MACF1: variants seen among roughly 807,000 people sequenced by gnomAD.
MACF1 encodes the protein microtubule-actin cross-linking factor 1.
Under a neutral mutation model 854.8 loss-of-function variants are expected in MACF1, and 193 were observed. That is an observed-to-expected ratio of 0.23 (90% CI 0.20 to 0.25). MACF1 has a LOEUF of 0.25. Ranked by LOEUF, MACF1 falls within the 10% of genes least tolerant of loss-of-function variation. The pLI is 1.00. For missense variants in MACF1, 7,722 were observed against 8,929.1 expected, an observed-to-expected ratio of 0.86 and a Z score of 5.45; for synonymous variants, 3,185 against 3,226.7, an observed-to-expected ratio of 0.99 and a Z score of 0.44.
At chr1:39,466,060 T>C (rs1049141855) in intron 95 of MACF1, among the ~76,000 whole-genome samples, 1 of 152,238 alleles carries the variant, frequency 6.6e-6, no homozygotes, top group Admixed American at 6.5e-5. Flanking sequence ...AGATGACTTC[T>C]AATGTTGAGA....
chr1:39,232,555 T>C (rs1174018374), intron 2 of MACF1, among the ~76,000 whole-genome samples: 1 of 152,176 alleles, frequency 6.6e-6, no homozygotes, highest in African/African-American at 2.4e-5. Context: ...GGCCATTTTT[T>C]GGTTTTGTTC....
chr1:39,086,718 T>C (rs1363051900), intron 2 of MACF1, among the ~76,000 whole-genome samples: 3 of 152,182 alleles, frequency 2.0e-5, no homozygotes, highest in African/African-American at 7.2e-5. Context: ...GAGTCTAGAA[T>C]AGAAGTGGAG....
chr1:39,330,716 G>C (rs1646706472), intron 36 of MACF1, among the ~76,000 whole-genome samples: 1 of 151,946 alleles, frequency 6.6e-6, no homozygotes, highest in Admixed American at 6.5e-5. Flanking sequence ...TTAACACCGG[G>C]TGGCTTGCTT....
At chr1:39,279,765 G>A (rs191603870) in intron 6 of MACF1, among the ~76,000 whole-genome samples, 13 of 152,232 alleles carry the variant, frequency 8.5e-5, no homozygotes, top group Admixed American at 6.5e-4. Context: ...GGGCCAGGAG[G>A]CTTACATGGT....
At chr1:39,269,077 C>G in intron 6 of MACF1, 1 of 1,289,748 alleles carries the variant, frequency 7.8e-7, no homozygotes, top group Non-Finnish European at 1.0e-6. Context: ...GAGAATGAGT[C>G]ATCAGTTGCT....
chr1:39,103,906 C>T (rs538391821), intron 2 of MACF1, among the ~76,000 whole-genome samples: 3 of 152,308 alleles, frequency 2.0e-5, no homozygotes, highest in East Asian at 3.9e-4. Flanking sequence ...TAGCGAAAAG[C>T]GTCATTTGTT....
In MACF1 at chr1:39,332,367, C is replaced by T; in HGVS notation, c.5779C>T (p.Pro1927Ser). 1.2e-6 allele frequency: 2 copies of T among 1,614,008 alleles called. No homozygotes were observed. Among genetic ancestry groups the T allele is most frequent in the Middle Eastern group, 1.6e-4 (1 of 6,062 alleles). Residue 1927 changes from proline (P) to serine (S), a missense_variant, in exon 37 of 101, where the codon CCC (proline) becomes TCC (serine). Physicochemically the swap from Pro to Ser is moderately conservative, Grantham distance 74. Transcript: ENST00000564288. ...ATCGATTTGTATACCTGATGTGATGCCCCACATGCAACTAGCAGACTCTGC... is the reference window on the plus strand; with the variant it reads ...ATCGATTTGTATACCTGATGTGATGTCCCACATGCAACTAGCAGACTCTGC... ...LKSICIPDVMPHMQLADSAEQ... is the reference protein window; with the variant it reads ...LKSICIPDVMSHMQLADSAEQ...
intron 97 of MACF1, among the ~76,000 whole-genome samples, chr1:39,470,346 A>C (rs1213304960): frequency 6.6e-6 from 1 of 152,186 alleles, no homozygotes; most frequent in Non-Finnish European, 1.5e-5. Flanking sequence ...TTTTCATTAG[A>C]GGTTCCTTTT....
chr1:39,393,656 T>TAAAA (rs1415914554), intron 58 of MACF1, among the ~76,000 whole-genome samples: 2 of 151,354 alleles, frequency 1.3e-5, no homozygotes, highest in Admixed American at 1.3e-4. Flanking sequence ...AAAAAATAAA[T>TAAAA]AAATTAGCTA....
intron 2 of MACF1, among the ~76,000 whole-genome samples, chr1:39,099,439 G>A (rs748073178): frequency 3.3e-5 from 5 of 152,186 alleles, no homozygotes; most frequent in Admixed American, 6.5e-5. Context: ...TTACAGGCAT[G>A]AGCCACCGCA....
At chr1:39,358,013 T>C (rs1451953985) in intron 45 of MACF1, 120 bp downstream of exon 45, 2 of 1,050,898 alleles carry the variant, frequency 1.9e-6, no homozygotes, top group African/African-American at 3.2e-5. Flanking sequence ...TGATTTATAC[T>C]TGGACCATGG....
In MACF1 at chr1:39,319,213, T is replaced by G. The variant is rs553100948; in HGVS notation, c.3946-451T>G. 3.9e-5 allele frequency among the ~76,000 whole-genome samples: 6 copies of G among 152,284 alleles called. No individual in the cohort carries two copies. The East Asian group carries it at 9.7e-4, about 25-fold the overall frequency. ...ACCTACCTTATGAGATTATCGTTGC[T>G]AGGATTAACTGAAGTGATACATGTA... On this transcript the variant is annotated intron_variant, in intron 30 of 100. Transcript: ENST00000564288.
intron 6 of MACF1, chr1:39,269,293 G>A (rs1476991952): frequency 7.8e-7 from 1 of 1,289,756 alleles, no homozygotes; most frequent in African/African-American, 1.5e-5. Context: ...TTTCGGAGCT[G>A]TGCTTTGCCT....
chr1:39,238,844 A>T (rs958579103), intron 2 of MACF1, among the ~76,000 whole-genome samples: 5 of 152,212 alleles, frequency 3.3e-5, no homozygotes, highest in Non-Finnish European at 7.3e-5. Context: ...AATCAGAGTT[A>T]TTGCTCTAAA....
At chr1:39,480,147 C>T (rs1007487521) in intron 98 of MACF1, 138 bp downstream of exon 98, 8 of 555,588 alleles carry the variant, frequency 1.4e-5, no homozygotes, top group Admixed American at 1.0e-4. Flanking sequence ...AGAAATAAAA[C>T]GTGAAAACAC....
chr1:39,422,083 A>G lies in MACF1; in HGVS notation c.15817-291A>G, dbSNP rs191634306. 4.9e-3 allele frequency among the ~76,000 whole-genome samples: 751 copies of G among 152,264 alleles called. 7 individuals are homozygous for G. Among genetic ancestry groups the G allele is most frequent in the African/African-American group, 0.017 (723 of 41,536 alleles). On this transcript the variant is annotated intron_variant, in intron 58 of 100. Transcript: ENST00000564288. ...GAGCGAGACTCTGTCTCCAAAAAAA[A>G]CAAAAAAAAATTAAGCAACAGATTT...
chr1:39,161,687 A>G (rs1643801083), intron 2 of MACF1, among the ~76,000 whole-genome samples: 1 of 151,916 alleles, frequency 6.6e-6, no homozygotes, highest in Admixed American at 6.6e-5. Context: ...CAATATGATG[A>G]AACTCCGTCT....
chr1:39,477,073 A>ACACACACATATATACACTTAGTG (rs1481277864), intron 97 of MACF1, among the ~76,000 whole-genome samples: 5,109 of 37,738 alleles, frequency 0.14, 594 homozygotes, highest in South Asian at 0.27. Flanking sequence ...ATATATATAT[A>ACACACACATATATACACTTAGTG]TATATATATA....
intron 2 of MACF1, among the ~76,000 whole-genome samples, chr1:39,166,631 T>C (rs1026902470): frequency 2.0e-5 from 3 of 151,708 alleles, no homozygotes; most frequent in African/African-American, 7.3e-5. Flanking sequence ...TTTTGTATTT[T>C]TAGTAGAGAC....
Sources: allele counts gnomAD v4.1 joint callset (sites outside exome capture counted in the v4.1 genomes callset), GRCh38; gene constraint gnomAD v4.1.1; transcripts MANE v1.5; gene names NCBI Gene and HGNC (gene_info 2026-07-23, HGNC 2026-07-21).